DDX56: variants seen among roughly 807,000 people sequenced by gnomAD.
DDX56 encodes the protein DEAD-box helicase 56.
DDX56 carries 45 observed loss-of-function variants against 61.5 expected under a neutral mutation model. The observed-to-expected ratio is 0.73, with a 90% CI of 0.58 to 0.94. DDX56 has a LOEUF of 0.94. Ranked by LOEUF, DDX56 falls within the 40% of genes least tolerant of loss-of-function variation. The pLI is 0.00. For synonymous variants in DDX56, 273 were observed against 268.3 expected (o/e 1.02, Z -0.17); for missense variants, 708 against 690.7 (o/e 1.02, Z -0.28).
Position 44,572,762 on chromosome 7 carries a change from A to C in DDX56, c.384-18T>G. 1 of 1,613,972 alleles carries C rather than the reference A, an allele frequency of 6.2e-7. No individual in the cohort carries two copies. Among genetic ancestry groups the C allele is most frequent in the Non-Finnish European group, 8.5e-7 (1 of 1,179,852 alleles). On this transcript the variant is annotated intron_variant, in intron 3 of 13. Coordinates refer to ENST00000258772, the MANE Select transcript of DDX56 (RefSeq NM_019082.4). ...GCACAGCTCTGGAGGTGGACAAGAC[A>C]TCAGTATCAGGCAGAATGTAGCAGC...
At chr7:44,570,207 C>G in intron 7 of DDX56, 79 bp from the exon 8 acceptor site, 1 of 1,528,660 alleles carries the variant, frequency 6.5e-7, no homozygotes, top group South Asian at 1.2e-5. Flanking sequence ...GCAAAACTTC[C>G]TCTAAATGCC....
rs1335045054 is a variant in DDX56, at chr7:44,571,395, G to C, written c.890+97C>G. 6.3e-6 allele frequency: 9 copies of C among 1,424,782 alleles called. No homozygotes were observed. In the African/African-American group the frequency reaches 9.9e-5, roughly 16 times the overall value. 88.3% of individuals were successfully genotyped at this position (1,424,782 alleles called of 1,614,324 possible). On this transcript the variant is annotated intron_variant, in intron 6 of 13. Coordinates refer to ENST00000258772, the MANE Select transcript of DDX56 (RefSeq NM_019082.4). ...TCAGTATCAGTCACATCTAGAACCT[G>C]GCCCCTACTAAGTGCTTAAGAAACA...
intron 6 of DDX56, 86 bp from the exon 7 acceptor site, chr7:44,570,963 C>A: frequency 6.8e-7 from 1 of 1,478,802 alleles, no homozygotes; most frequent in South Asian, 1.3e-5. Flanking sequence ...TAACCATCAC[C>A]CTTTCCTTTT....
intron 12 of DDX56, among the ~76,000 whole-genome samples, chr7:44,566,771 A>G (rs1447378020): frequency 1.3e-5 from 2 of 152,138 alleles, no homozygotes; most frequent in Non-Finnish European, 2.9e-5. Context: ...AAAGACAGAC[A>G]TCCTTAAAGA....
chr7:44,566,657 A>C, intron 12 of DDX56, 133 bp from the exon 13 acceptor site: 2 of 612,542 alleles, frequency 3.3e-6, no homozygotes, highest in Non-Finnish European at 5.7e-6. Context: ...TCACTACCAC[A>C]TCTGCACAGG....
At chr7:44,566,123 C>A in intron 13 of DDX56, 44 bp from the exon 14 acceptor site, 1 of 1,335,126 alleles carries the variant, frequency 7.5e-7, no homozygotes, top group Non-Finnish European at 1.0e-6. Flanking sequence ...ATCAGGCCGA[C>A]AGACAATCCA....
intron 10 of DDX56, 61 bp downstream of exon 10, chr7:44,569,069 G>A (rs1220548199): frequency 6.2e-6 from 10 of 1,610,390 alleles, no homozygotes; most frequent in East Asian, 4.5e-5. Flanking sequence ...TCAGCAAGAC[G>A]GTGCAATCCC....
chr7:44,571,516 T>G lies in DDX56; in HGVS notation c.866A>C (p.Asn289Thr), dbSNP rs750375632. The change falls in exon 6 of 14, where the codon AAT becomes ACT. Residue 289 changes from asparagine (N) to threonine (T), a missense_variant. Asn to Thr is a moderately conservative substitution (Grantham distance 65). Coordinates refer to ENST00000258772, the MANE Select transcript of DDX56 (RefSeq NM_019082.4). Reference protein sequence around the residue: ...EQFSIPTCVLNGELPLRSRCH... With the variant: ...EQFSIPTCVLTGELPLRSRCH... Reference sequence around the variant, plus strand: ...CCTGGAGCGCAGTGGAAGCTCTCCATTGAGCACACAGGTGGGGATGCTGAA... The same window carrying G: ...CCTGGAGCGCAGTGGAAGCTCTCCAGTGAGCACACAGGTGGGGATGCTGAA... The G allele has an allele frequency of 1.9e-6, 3 of 1,614,006 alleles. No homozygotes were observed. Among genetic ancestry groups the G allele is most frequent in the African/African-American group, 2.7e-5 (2 of 74,946 alleles).
chr7:44,569,051 C>A, intron 10 of DDX56, 59 bp from the exon 11 acceptor site: 4 of 1,611,612 alleles, frequency 2.5e-6, no homozygotes, highest in Non-Finnish European at 3.4e-6. Flanking sequence ...CCCTTCACAC[C>A]TGGATGCTCA....
chr7:44,567,964 G>C (rs1485795051), intron 12 of DDX56, among the ~76,000 whole-genome samples, 154 bp downstream of exon 12: 1 of 152,206 alleles, frequency 6.6e-6, no homozygotes, highest in Non-Finnish European at 1.5e-5. Context: ...AAACACAGGG[G>C]TGTGCCTGTT....
rs1272550057 is a variant in DDX56 at position 44,572,431 on chromosome 7, C to T, written c.561G>A (p.Leu187=). The T allele has an allele frequency of 6.2e-6, 10 of 1,614,110 alleles. No homozygotes were observed. The highest frequency in any genetic ancestry group is 1.1e-5 in the South Asian group (1 of 91,086). The change falls in exon 5 of 14, where the codon TTG becomes TTA. Residue 187 remains leucine, a synonymous_variant. Coordinates refer to ENST00000258772, the MANE Select transcript of DDX56 (RefSeq NM_019082.4). ...TGAGAAAAGCCTGGTAAATCCGGGG[C>T]AAGTGACTGAAATGAAAGAATCCAA... ...EEELKSLLCH[L]PRIYQAFLMS...
chr7:44,573,184 C>T lies in DDX56; in HGVS notation c.223-134G>A, dbSNP rs138836732. On this transcript the variant is annotated intron_variant, in intron 2 of 13. Transcript: ENST00000258772. ...GTACTTTGATCATCTATCACTCTGC[C>T]CGCCTCAGAATGCAGAGTGGAGAGT... 16 of 789,736 alleles carry T rather than the reference C, an allele frequency of 2.0e-5. No homozygotes were observed. The East Asian group carries it at 3.3e-4, about 16-fold the overall frequency. The allele number at this position is 789,736 out of a possible 1,614,324, so 48.9% of individuals were successfully genotyped here.
chr7:44,566,317 T>C (rs2117115916), intron 13 of DDX56, 131 bp downstream of exon 13: 2 of 898,668 alleles, frequency 2.2e-6, no homozygotes, highest in Non-Finnish European at 1.8e-6. Context: ...GGTTCTAGGG[T>C]GCCCCCTCTT....
intron 11 of DDX56, among the ~76,000 whole-genome samples, chr7:44,568,459 G>T (rs1802595094): frequency 6.6e-6 from 1 of 151,950 alleles, no homozygotes; most frequent in African/African-American, 2.4e-5. Flanking sequence ...GTTCCATATG[G>T]ACACGCAACC....
chr7:44,571,392 C>A (rs995338061), intron 6 of DDX56, 100 bp downstream of exon 6: 45 of 1,414,868 alleles, frequency 3.2e-5, no homozygotes, highest in Non-Finnish European at 4.0e-5. Flanking sequence ...ACATCTAGAA[C>A]CTGGCCCCTA....
In DDX56 at chr7:44,572,629, CG is replaced by C; in HGVS notation, c.498del (p.Asp166GlufsTer45). ...CCAAAGGAAAAAAGAAGGTCAGCTTCGTCCACCACCAAAAGCTCCAGGGAGT... is the reference window on the plus strand; with the variant it reads ...CCAAAGGAAAAAAGAAGGTCAGCTTCTCCACCACCAAAAGCTCCAGGGAGT... ...LRDSLELLVV[D>X]EADLLFSFGF... On this transcript the variant is annotated frameshift_variant, in exon 4 of 14. Transcript: ENST00000258772. LOFTEE classifies it high-confidence loss of function. 6.2e-7 allele frequency: 1 copy of C among 1,614,192 alleles called. No homozygotes were observed. Among genetic ancestry groups the C allele is most frequent in the Non-Finnish European group, 8.5e-7 (1 of 1,180,044 alleles).
rs180748784 is a variant in DDX56, at chr7:44,573,057, G to A, written c.223-7C>T. ...GTTCTACCACCGGACCTGTCTGTAA[G>A]AATATGAATTAAAGACTTTAGCCAG... On this transcript the variant is annotated splice_polypyrimidine_tract_variant and splice_region_variant and intron_variant, in intron 2 of 13. Transcript: ENST00000258772. 258 of 1,559,484 alleles carry A rather than the reference G, an allele frequency of 1.7e-4. No individual in the cohort carries two copies. The African/African-American group carries it at 3.3e-3, about 20-fold the overall frequency.
In DDX56 at chr7:44,570,888, G is replaced by C. The variant is rs1157944938; in HGVS notation, c.891-11C>G. ...GAGATGATGTGGCACCTGCAGCCAA[G>C]AGCGGACAGAGAATCAGCTCAGCAG... On this transcript the variant is annotated splice_polypyrimidine_tract_variant and intron_variant, in intron 6 of 13. Coordinates refer to ENST00000258772, the MANE Select transcript of DDX56 (RefSeq NM_019082.4). 1.9e-6 allele frequency: 3 copies of C among 1,609,222 alleles called. No individual in the cohort carries two copies. The South Asian group carries it at 3.3e-5, about 18-fold the overall frequency.
intron 5 of DDX56, among the ~76,000 whole-genome samples, chr7:44,572,111 G>A (rs1159150818): frequency 1.3e-5 from 2 of 152,318 alleles, no homozygotes; most frequent in East Asian, 1.9e-4. Flanking sequence ...CCTTAGGGGA[G>A]GTCCTTGCTC....
Sources: allele counts gnomAD v4.1 joint callset (sites outside exome capture counted in the v4.1 genomes callset), GRCh38; gene constraint gnomAD v4.1.1; transcripts MANE v1.5; gene names NCBI Gene and HGNC (gene_info 2026-07-23, HGNC 2026-07-21).